LRCH2: variants seen among roughly 807,000 people sequenced by gnomAD.
The protein encoded by LRCH2 is leucine rich repeats and calponin homology domain containing 2, also known as leucine-rich repeat and calponin homology domain-containing protein 2.
LRCH2 carries 38 observed loss-of-function variants against 68.9 expected under a neutral mutation model. The ratio of observed to expected loss-of-function variants is 0.55; its 90% CI spans 0.43 to 0.72. The LOEUF is 0.72. Ranked by LOEUF, LRCH2 falls within the 30% of genes least tolerant of loss-of-function variation. The pLI is 0.00. For missense variants in LRCH2, 528 were observed against 572.9 expected, an observed-to-expected ratio of 0.92 and a Z score of 0.80; for synonymous variants, 191 against 208.1, an observed-to-expected ratio of 0.92 and a Z score of 0.71.
At position 115,112,949 on chromosome X, in the gene LRCH2, C is replaced by T; in HGVS notation, c.*267G>A. The T allele has an allele frequency of 5.0e-6, 1 of 200,027 alleles. No homozygotes were observed. Among genetic ancestry groups the T allele is most frequent in the South Asian group, 2.7e-4 (1 of 3,704 alleles). 16.5% of individuals were successfully genotyped at this position (200,027 alleles called of 1,213,427 possible). A position where few individuals can be genotyped will look rare whatever the true frequency, so the allele number is the denominator to read the frequency against. The stretch of plus-strand genomic sequence containing the variant: ...TTTAAATTTAGTATCAGTCTGCTTT[C>T]TGAAAAATAATCAAGATTATCAACT... On this transcript the variant is annotated 3_prime_UTR_variant, in exon 21 of 21. Transcript: ENST00000317135.
chrX:115,199,043 C>T (rs2072911794), intron 1 of LRCH2, among the ~76,000 whole-genome samples: 1 of 112,045 alleles, frequency 8.9e-6, no homozygotes, highest in East Asian at 2.8e-4. Flanking sequence ...AGGAATTCAT[C>T]GCCACTAAAC....
At position 115,190,890 on chromosome X, in the gene LRCH2, T is replaced by C. The variant is rs1473860015; in HGVS notation, c.350-2520A>G. Reference sequence around the variant, plus strand: ...AAGGCCGCTCGCTGGATGCCAACAGTGGAGGCTGCTCGCCCGAGGCCTACA... The same window carrying C: ...AAGGCCGCTCGCTGGATGCCAACAGCGGAGGCTGCTCGCCCGAGGCCTACA... On this transcript the variant is annotated intron_variant, in intron 1 of 20. Coordinates refer to ENST00000317135, the MANE Select transcript of LRCH2 (RefSeq NM_020871.4). 1.5e-5 allele frequency: 17 copies of C among 1,156,319 alleles called. No individual in the cohort carries two copies. The highest frequency in any genetic ancestry group is 1.3e-5 in the Non-Finnish European group (11 of 869,569).
At chrX:115,209,497 C>G (rs781871669) in intron 1 of LRCH2, among the ~76,000 whole-genome samples, 2 of 112,443 alleles carry the variant, frequency 1.8e-5, no homozygotes, top group Non-Finnish European at 3.8e-5. Context: ...GTGAGGTTTC[C>G]CCAGCCACAT....
At chrX:115,177,887 T>C (rs1225036836) in intron 5 of LRCH2, among the ~76,000 whole-genome samples, 13 of 107,204 alleles carry the variant, frequency 1.2e-4, no homozygotes, top group Non-Finnish European at 5.8e-5. Context: ...AGTGAGAACA[T>C]GTGGTGTTTG....
At chrX:115,197,684 T>G (rs2072897557) in intron 1 of LRCH2, among the ~76,000 whole-genome samples, 1 of 108,977 alleles carries the variant, frequency 9.2e-6, no homozygotes, top group African/African-American at 3.3e-5. Context: ...TCCAAAAGTT[T>G]GAGGTCATAC....
chrX:115,155,806 T>C (rs1347331162), intron 12 of LRCH2, among the ~76,000 whole-genome samples: 1 of 111,615 alleles, frequency 9.0e-6, no homozygotes, highest in Non-Finnish European at 1.9e-5. Context: ...AGAAAGAAGT[T>C]CTGTTCCTAA....
At chrX:115,136,649 C>T (rs1357862394) in intron 14 of LRCH2, among the ~76,000 whole-genome samples, 3 of 110,803 alleles carry the variant, frequency 2.7e-5, no homozygotes, top group Non-Finnish European at 3.8e-5. Context: ...AGAAGAAAAG[C>T]AAAAAGAACT....
At chrX:115,157,882 T>C (rs1230409773) in intron 11 of LRCH2, among the ~76,000 whole-genome samples, 2 of 110,138 alleles carry the variant, frequency 1.8e-5, no homozygotes, top group Non-Finnish European at 3.8e-5. Context: ...TCACCACACA[T>C]TCATTAGCAT....
At chrX:115,204,130 G>C (rs1214172537) in intron 1 of LRCH2, among the ~76,000 whole-genome samples, 5 of 113,097 alleles carry the variant, frequency 4.4e-5, no homozygotes, top group African/African-American at 1.6e-4. Context: ...TGCACCCTCT[G>C]AGGCAACATT....
chrX:115,230,506 G>A (rs1170937440), intron 1 of LRCH2, among the ~76,000 whole-genome samples: 1 of 111,277 alleles, frequency 9.0e-6, no homozygotes, highest in Non-Finnish European at 1.9e-5. Context: ...GGGGACAAAG[G>A]GAGGAGGCAA....
intron 15 of LRCH2, 24 bp downstream of exon 15, chrX:115,130,131 A>C: frequency 1.1e-6 from 1 of 914,159 alleles, no homozygotes; most frequent in Non-Finnish European, 1.5e-6. Flanking sequence ...ATTTCAAATA[A>C]TTATTAATAT....
intron 20 of LRCH2, among the ~76,000 whole-genome samples, chrX:115,118,753 G>A (rs1335812525): frequency 9.0e-6 from 1 of 110,776 alleles, no homozygotes; most frequent in Non-Finnish European, 1.9e-5. Flanking sequence ...GATGAACATT[G>A]ATGCAAAAAT....
intron 1 of LRCH2, among the ~76,000 whole-genome samples, chrX:115,198,033 C>CT (rs55636329): frequency 6.5e-4 from 52 of 80,275 alleles, no homozygotes; most frequent in African/African-American, 1.7e-3. Context: ...AAAGCTTTTT[C>CT]TTTTTTTTTT....
At chrX:115,206,768 G>A (rs1027581293) in intron 1 of LRCH2, among the ~76,000 whole-genome samples, 10 of 109,712 alleles carry the variant, frequency 9.1e-5, no homozygotes, top group Admixed American at 2.0e-4. Context: ...AGCGCCGCTG[G>A]GTTAGGGTCT....
intron 14 of LRCH2, among the ~76,000 whole-genome samples, chrX:115,144,424 T>C (rs1556535359): frequency 9.0e-6 from 1 of 110,947 alleles, no homozygotes; most frequent in Non-Finnish European, 1.9e-5. Context: ...ACCACTGTTA[T>C]TCAACACAAT....
At chrX:115,202,142 GA>G (rs1556566493) in intron 1 of LRCH2, among the ~76,000 whole-genome samples, 1 of 111,780 alleles carries the variant, frequency 8.9e-6, no homozygotes, top group Admixed American at 9.5e-5. Context: ...CACAGAATTA[GA>G]AAAAACAATC....
At chrX:115,197,763 C>G (rs1307873044) in intron 1 of LRCH2, among the ~76,000 whole-genome samples, 2 of 103,317 alleles carry the variant, frequency 1.9e-5, no homozygotes, top group Non-Finnish European at 3.9e-5. Context: ...CTTTCTCTCT[C>G]TCTCTCTCTC....
intron 1 of LRCH2, among the ~76,000 whole-genome samples, chrX:115,204,003 C>T (rs868927454): frequency 1.8e-5 from 2 of 112,837 alleles, no homozygotes; most frequent in African/African-American, 6.4e-5. Context: ...TCTGCCTGGA[C>T]GTTCAGGCAT....
chrX:115,160,013 A>G (rs2147382533), intron 11 of LRCH2, among the ~76,000 whole-genome samples: 1 of 111,097 alleles, frequency 9.0e-6, no homozygotes, highest in African/African-American at 3.3e-5. Context: ...AGAATCAAAG[A>G]CATTTTAAAA....
Sources: allele counts gnomAD v4.1 joint callset (sites outside exome capture counted in the v4.1 genomes callset), GRCh38; gene constraint gnomAD v4.1.1; transcripts MANE v1.5; gene names NCBI Gene and HGNC (gene_info 2026-07-23, HGNC 2026-07-21).